The following DPP6 variants were observed in gnomAD, a reference collection of about 807,000 sequenced individuals.
DPP6 encodes A-type potassium channel modulatory protein DPP6.
DPP6 carries 69 observed loss-of-function variants against 122.6 expected under a neutral mutation model. The observed-to-expected ratio is 0.56, with a 90% confidence interval of 0.46 to 0.69. The LOEUF (loss-of-function observed/expected upper bound fraction) is 0.69. Ranked by LOEUF, DPP6 falls within the 30% of genes least tolerant of loss-of-function variation. The probability of loss-of-function intolerance (pLI) is 0.00; values close to 1 mark genes in which losing one functional copy is unlikely to be tolerated. For missense variants in DPP6, 928 were observed against 1,116.9 expected (o/e 0.83, Z 2.41); for synonymous variants, 418 against 433.1 (o/e 0.97, Z 0.43).
At chr7:154,397,897 C>G (rs944795419) in intron 1 of DPP6, among the ~76,000 whole-genome samples, 1 of 152,206 alleles carries the variant, frequency 6.6e-6, no homozygotes, top group South Asian at 2.1e-4. Context: ...ATCTCCAAAT[C>G]TTTCTAGGTC....
At chr7:153,966,553 GCTTTTTTT>G (rs1795738561) in intron 1 of DPP6, among the ~76,000 whole-genome samples, 1 of 57,604 alleles carries the variant, frequency 1.7e-5, no homozygotes, top group African/African-American at 5.5e-5. Flanking sequence ...TCCTGTGTTG[GCTTTTTTT>G]TTTTTTTTTT....
intron 5 of DPP6, among the ~76,000 whole-genome samples, chr7:154,633,778 T>G (rs763052833): frequency 4.7e-4 from 72 of 152,164 alleles, no homozygotes; most frequent in Non-Finnish European, 8.5e-4. Flanking sequence ...CAATGATATT[T>G]TATTGCTTCA....
At chr7:154,210,579 T>C (rs1799686330) in intron 1 of DPP6, among the ~76,000 whole-genome samples, 2 of 152,230 alleles carry the variant, frequency 1.3e-5, no homozygotes, top group African/African-American at 4.8e-5. Flanking sequence ...ATTTTTATTA[T>C]TTAACCTCAG....
At chr7:154,313,715 A>G (rs1367741150) in intron 1 of DPP6, among the ~76,000 whole-genome samples, 2 of 35,814 alleles carry the variant, frequency 5.6e-5, no homozygotes, top group South Asian at 1.3e-3. Flanking sequence ...ATATATATAT[A>G]CACACACACG....
chr7:154,342,527 G>A (rs1279052755), intron 1 of DPP6, among the ~76,000 whole-genome samples: 3 of 152,146 alleles, frequency 2.0e-5, no homozygotes, highest in Non-Finnish European at 4.4e-5. Flanking sequence ...TGTAAGCCCC[G>A]GGGCAGTTTT....
chr7:154,055,090 CTT>C (rs374982845), intron 1 of DPP6, among the ~76,000 whole-genome samples: 5 of 128,968 alleles, frequency 3.9e-5, no homozygotes, highest in African/African-American at 5.8e-5. Context: ...TCCTGACATG[CTT>C]TTTTTTTTTT....
intron 8 of DPP6, among the ~76,000 whole-genome samples, chr7:154,744,514 G>A (rs1046170701): frequency 6.6e-6 from 1 of 152,190 alleles, no homozygotes; most frequent in Non-Finnish European, 1.5e-5. Context: ...GATAATGAGG[G>A]GATTCGCAGT....
intron 1 of DPP6, among the ~76,000 whole-genome samples, chr7:153,983,242 G>A (rs567948953): frequency 6.6e-6 from 1 of 152,364 alleles, no homozygotes; most frequent in Non-Finnish European, 1.5e-5. Flanking sequence ...GAGATGCCCT[G>A]CCCAGAGAGA....
intron 5 of DPP6, among the ~76,000 whole-genome samples, chr7:154,580,150 TACACACACAC>T (rs35398601): frequency 0.01 from 1,438 of 138,958 alleles, 24 homozygotes; most frequent in African/African-American, 0.036. Context: ...CTCTCCCCCT[TACACACACAC>T]ACACACACAC....
intron 2 of DPP6, among the ~76,000 whole-genome samples, chr7:154,463,865 T>C (rs1488608970): frequency 2.0e-5 from 3 of 152,080 alleles, no homozygotes; most frequent in Non-Finnish European, 4.4e-5. Flanking sequence ...CCCTCTCCTC[T>C]CCTCAAGCAG....
intron 5 of DPP6, among the ~76,000 whole-genome samples, chr7:154,635,648 C>T (rs920732571): frequency 1.3e-5 from 2 of 152,190 alleles, no homozygotes; most frequent in Non-Finnish European, 2.9e-5. Context: ...AACTCGAGAA[C>T]ATCTTAGCTG....
chr7:154,791,069 T>C (rs1050285033), intron 10 of DPP6, among the ~76,000 whole-genome samples: 2 of 151,992 alleles, frequency 1.3e-5, no homozygotes, highest in South Asian at 4.2e-4. Flanking sequence ...CTGGCCAACA[T>C]GGTGAAACCC....
chr7:154,642,399 C>T (rs1442792035), intron 6 of DPP6, among the ~76,000 whole-genome samples: 1 of 151,054 alleles, frequency 6.6e-6, no homozygotes, highest in African/African-American at 2.4e-5. Flanking sequence ...TTGAGACCAG[C>T]CTGGCCTGTT....
In DPP6 at chr7:154,100,927, C is replaced by T. The variant is rs1361977794; in HGVS notation, c.243+47864C>T. ...AACCACCTCTGCTGTGAAGCCTGCC[C>T]TTCCTCGTCAAGACCCCAAACGAGG... On this transcript the variant is annotated intron_variant, in intron 1 of 25. Coordinates refer to ENST00000377770, the MANE Select transcript of DPP6 (RefSeq NM_130797.4). Among the ~76,000 whole-genome samples the T allele has an allele frequency of 1.4e-5, 2 of 144,066 alleles. 1 individual carries two copies. Among genetic ancestry groups the T allele is most frequent in the Non-Finnish European group, 3.1e-5 (2 of 64,822 alleles). 94.5% of individuals were successfully genotyped at this position (144,066 alleles called of 152,430 possible).
At position 154,063,503 on chromosome 7, in the gene DPP6, T is replaced by C. The variant is rs80150751; in HGVS notation, c.243+10440T>C. The stretch of plus-strand genomic sequence containing the variant: ...CATTCCCTCTTCCCCCCCTGGCTCT[T>C]AAGACCCCCATCGCAGGAGGGGGAG... On this transcript the variant is annotated intron_variant, in intron 1 of 25. Coordinates refer to ENST00000377770, the MANE Select transcript of DPP6 (RefSeq NM_130797.4). 3.4e-4 allele frequency among the ~76,000 whole-genome samples: 33 copies of C among 98,346 alleles called. 2 individuals are homozygous for C. Among genetic ancestry groups the C allele is most frequent in the African/African-American group, 1.2e-3 (31 of 25,684 alleles). The allele number at this position is 98,346 out of a possible 152,430, so 64.5% of individuals were successfully genotyped here.
intron 1 of DPP6, among the ~76,000 whole-genome samples, chr7:153,889,513 A>G (rs1432711961): frequency 6.6e-6 from 1 of 152,240 alleles, no homozygotes; most frequent in East Asian, 1.9e-4. Flanking sequence ...CTACCGCCAA[A>G]TAAGTTTCTA....
chr7:154,611,705 G>A (rs937238011), intron 5 of DPP6, among the ~76,000 whole-genome samples: 21 of 152,164 alleles, frequency 1.4e-4, no homozygotes, highest in African/African-American at 4.8e-4. Flanking sequence ...AGACTCACAT[G>A]CAATTTTAAG....
intron 1 of DPP6, among the ~76,000 whole-genome samples, chr7:154,102,080 C>T (rs1299983726): frequency 6.6e-6 from 1 of 152,088 alleles, no homozygotes; most frequent in African/African-American, 2.4e-5. Context: ...ACTTGGACCT[C>T]AAAGATGAAG....
At chr7:153,884,987 A>AATACATACATACATATATATATAT (rs1209555021), upstream of DPP6, among the ~76,000 whole-genome samples, 1 of 116,466 alleles carries the variant, frequency 8.6e-6, no homozygotes, top group East Asian at 2.8e-4. Context: ...TCAAAACAAA[A>AATACATACATACATATATATATAT]ATATATATAT....
Sources: allele counts gnomAD v4.1 joint callset (sites outside exome capture counted in the v4.1 genomes callset), GRCh38; gene constraint gnomAD v4.1.1; transcripts MANE v1.5; gene names NCBI Gene and HGNC (gene_info 2026-07-23, HGNC 2026-07-21).